ACSBG1: variants seen among roughly 807,000 people sequenced by gnomAD.
ACSBG1 encodes acyl-CoA synthetase bubblegum family member 1.
A neutral mutation model predicts 80.2 loss-of-function variants in ACSBG1; 39 were observed. That is an observed-to-expected ratio of 0.49 (90% CI 0.38 to 0.64). ACSBG1 has a LOEUF of 0.64. Ranked by LOEUF, ACSBG1 falls within the 30% of genes least tolerant of loss-of-function variation. The pLI is 0.00. For missense variants in ACSBG1, 828 were observed against 966.4 expected, an observed-to-expected ratio of 0.86 and a Z score of 1.90; for synonymous variants, 392 against 379.5, an observed-to-expected ratio of 1.03 and a Z score of -0.38.
intron 1 of ACSBG1, among the ~76,000 whole-genome samples, chr15:78,214,953 G>T (rs2075295316): frequency 6.6e-6 from 1 of 152,058 alleles, no homozygotes; most frequent in Non-Finnish European, 1.5e-5. Flanking sequence ...GCCACTTCAG[G>T]ACACCCTAAC....
rs1396282758 is a variant in ACSBG1 at position 78,177,685 on chromosome 15, T to A, written c.1702+929A>T. On this transcript the variant is annotated intron_variant, in intron 11 of 13. Transcript: ENST00000258873. This position sits in a 1 kb window ranked among gnomAD's most constrained non-coding sequence, Gnocchi z 4.1. ...GCCACCGCGACCTTTTGTCCCTCCC[T>A]GGGGTGGCCGAGCCTCCATGGCCAT... is the stretch of plus-strand genomic sequence containing the variant. Among the ~76,000 whole-genome samples, 1 of 152,076 alleles carries A rather than the reference T, an allele frequency of 6.6e-6. No individual in the cohort carries two copies.
intron 5 of ACSBG1, among the ~76,000 whole-genome samples, chr15:78,185,842 G>T (rs1322985218): frequency 6.6e-6 from 1 of 151,250 alleles, no homozygotes; most frequent in East Asian, 1.9e-4. Flanking sequence ...AGAAAACATT[G>T]AAATGAAATA....
At chr15:78,209,966 C>G in intron 1 of ACSBG1, among the ~76,000 whole-genome samples, 1 of 152,228 alleles carries the variant, frequency 6.6e-6, no homozygotes, top group Non-Finnish European at 1.5e-5. Context: ...TAAACTGGTT[C>G]TGGTTTTAAA....
At chr15:78,187,651 A>G (rs1195917138) in intron 5 of ACSBG1, among the ~76,000 whole-genome samples, 1 of 152,242 alleles carries the variant, frequency 6.6e-6, no homozygotes, top group African/African-American at 2.4e-5. Context: ...CTCTCAATAA[A>G]TTAGGTATTG....
intron 2 of ACSBG1, among the ~76,000 whole-genome samples, chr15:78,198,429 CT>C (rs1362327480): frequency 6.6e-6 from 1 of 152,138 alleles, no homozygotes; most frequent in Non-Finnish European, 1.5e-5. Flanking sequence ...TCACTGCAAC[CT>C]CTGCCTCCTG....
At chr15:78,229,480 C>T (rs964583365) in intron 1 of ACSBG1, among the ~76,000 whole-genome samples, 2 of 152,194 alleles carry the variant, frequency 1.3e-5, no homozygotes, top group African/African-American at 4.8e-5. Flanking sequence ...GCAGAGCGCA[C>T]TCTCTGTCAT....
rs1567073749 is a variant in ACSBG1 at position 78,167,550 on chromosome 15, C to T, written c.*3894G>A. 3 of 152,304 alleles carry T rather than the reference C, an allele frequency of 2.0e-5. No individual in the cohort carries two copies. Among genetic ancestry groups the T allele is most frequent in the African/African-American group, 4.8e-5 (2 of 41,564 alleles). The allele number at this position is 152,304 out of a possible 1,614,324, so 9.4% of individuals were successfully genotyped here. On this transcript the variant is annotated 3_prime_UTR_variant, in exon 14 of 14. Transcript: ENST00000258873. ...GCCATTTTAGCCGTATTTAGGTATA[C>T]AGTTCAATAATGTTAAGTACATTCA...
At chr15:78,176,008 T>G (rs185012671) in intron 11 of ACSBG1, among the ~76,000 whole-genome samples, 1 of 152,326 alleles carries the variant, frequency 6.6e-6, no homozygotes, top group Admixed American at 6.5e-5. Context: ...GAAAGGAACT[T>G]CTTTAATCAG....
Position 78,193,980 on chromosome 15 carries a change from A to G in ACSBG1, c.494T>C (p.Phe165Ser). The G allele has an allele frequency of 6.2e-7, 1 of 1,614,006 alleles. No individual in the cohort carries two copies. Residue 165 changes from phenylalanine to serine, a missense_variant, in exon 4 of 14, where the codon TTC (phenylalanine) becomes TCC (serine). Coordinates refer to ENST00000258873, the MANE Select transcript of ACSBG1 (RefSeq NM_015162.5). ...KQAHSVAILG[F>S]NSPEWFFSAV... ...CGAGAAGAACCACTCCGGGGAGTTG[A>G]AGCCGAGGATGGCCACACTGTGGGC...
intron 5 of ACSBG1, among the ~76,000 whole-genome samples, chr15:78,187,802 AT>A (rs955922443): frequency 6.6e-6 from 1 of 152,180 alleles, no homozygotes; most frequent in Non-Finnish European, 1.5e-5. Flanking sequence ...CCTATTCAAC[AT>A]TGTGTTGGAA....
chr15:78,174,042 T>G (rs1399863621), intron 12 of ACSBG1, among the ~76,000 whole-genome samples: 2 of 152,126 alleles, frequency 1.3e-5, no homozygotes, highest in Non-Finnish European at 2.9e-5. Flanking sequence ...TTAGAAGAGC[T>G]CGGTCAGTGA....
chr15:78,212,363 T>A (rs1197966396), intron 1 of ACSBG1, among the ~76,000 whole-genome samples: 4 of 152,146 alleles, frequency 2.6e-5, no homozygotes, highest in Admixed American at 2.0e-4. Context: ...TTATTACGCA[T>A]GAGCTCTCAT....
chr15:78,204,991 G>A (rs918564781), intron 2 of ACSBG1, among the ~76,000 whole-genome samples: 1 of 152,126 alleles, frequency 6.6e-6, no homozygotes, highest in African/African-American at 2.4e-5. Flanking sequence ...CTTAGTGGGT[G>A]TGGGAGTTTC....
intron 1 of ACSBG1, among the ~76,000 whole-genome samples, chr15:78,224,251 A>C (rs369988519): frequency 1.3e-5 from 1 of 75,168 alleles, no homozygotes; most frequent in East Asian, 7.5e-4. Context: ...CTGAAACATC[A>C]TGAGAAACCC....
In ACSBG1 at chr15:78,182,605, A is replaced by T; in HGVS notation, c.755T>A (p.Phe252Tyr). 6.2e-7 allele frequency: 1 copy of T among 1,614,060 alleles called. No individual in the cohort carries two copies. The highest frequency in any genetic ancestry group is 8.5e-7 in the Non-Finnish European group (1 of 1,179,948). The change falls in exon 7 of 14, where the codon TTC becomes TAC. Residue 252 changes from phenylalanine to tyrosine, a missense_variant. By Grantham distance (22) the Phe-to-Tyr change is conservative. Transcript: ENST00000258873. Reference sequence around the variant, plus strand: ...AGGCACTTCATTCCCCAGCTCCATGAATTCCTCCATCTGTAGCCAGATGCA... The same window carrying T: ...AGGCACTTCATTCCCCAGCTCCATGTATTCCTCCATCTGTAGCCAGATGCA... The part of the protein sequence containing the change: ...KMANVYTMEE[F>Y]MELGNEVPEE...
intron 5 of ACSBG1, among the ~76,000 whole-genome samples, chr15:78,186,189 T>G (rs2075001906): frequency 6.6e-6 from 1 of 152,198 alleles, no homozygotes; most frequent in African/African-American, 2.4e-5. Context: ...AAAGTCTGTT[T>G]TATCAGAGAC....
At position 78,171,711 on chromosome 15, in the gene ACSBG1, T is replaced by C. The variant is rs1595876516; in HGVS notation, c.2090-182A>G. The C allele has an allele frequency of 7.2e-6, 4 of 555,618 alleles. No homozygotes were observed. The East Asian group carries it at 1.2e-4, about 17-fold the overall frequency. The allele number at this position is 555,618 out of a possible 1,614,324, so 34.4% of individuals were successfully genotyped here. ...TGGTATTCATATGGCTTGTGTGTAG[T>C]CTCCTGTGTTATACCACTGGTTGTG... On this transcript the variant is annotated intron_variant, in intron 13 of 13. Coordinates refer to ENST00000258873, the MANE Select transcript of ACSBG1 (RefSeq NM_015162.5).
At chr15:78,226,968 C>T (rs1318212619) in intron 1 of ACSBG1, among the ~76,000 whole-genome samples, 1 of 150,274 alleles carries the variant, frequency 6.7e-6, no homozygotes, top group Non-Finnish European at 1.5e-5. Context: ...ACCTGTAATC[C>T]CAGCACTCTG....
At chr15:78,224,670 G>A (rs958093745) in intron 1 of ACSBG1, among the ~76,000 whole-genome samples, 5 of 152,146 alleles carry the variant, frequency 3.3e-5, no homozygotes, top group South Asian at 2.1e-4. Flanking sequence ...GCAGTGAGCC[G>A]AGATCGCGCC....
Sources: gnomAD v4.1 joint callset for allele counts (sites outside exome capture counted in the v4.1 genomes callset) on GRCh38, gnomAD v4.1.1 for gene constraint, Gnocchi (gnomAD v3.1) non-coding constraint, MANE v1.5 for transcripts, NCBI Gene and HGNC (gene_info 2026-07-23, HGNC 2026-07-21) for gene names.